Variants in PAG1 observed in about 807,000 individuals in gnomAD.
PAG1 encodes phosphoprotein associated with glycosphingolipid-enriched microdomains 1.
In PAG1, 23 loss-of-function variants were observed where a neutral mutation model predicts 31.7. That is an observed-to-expected ratio of 0.73 (90% CI 0.52 to 1.03). PAG1 has a LOEUF of 1.03. PAG1 is among the 50% of genes least tolerant of loss of function. The pLI is 0.00. For missense variants in PAG1, 473 were observed against 540.7 expected, an observed-to-expected ratio of 0.87 and a Z score of 1.24; for synonymous variants, 214 against 210.3, an observed-to-expected ratio of 1.02 and a Z score of -0.15.
At chr8:81,007,375 AG>A (rs894273679) in intron 3 of PAG1, among the ~76,000 whole-genome samples, 1 of 151,366 alleles carries the variant, frequency 6.6e-6, no homozygotes, top group African/African-American at 2.4e-5. Context: ...GCACTTTGGG[AG>A]GCTGAGGTGT....
In PAG1 at chr8:81,083,213, C is replaced by T. The variant is rs370131629; in HGVS notation, c.-233-13043G>A. Among the ~76,000 whole-genome samples the T allele has an allele frequency of 7.9e-5, 12 of 152,170 alleles. 2 individuals carry two copies. Among genetic ancestry groups the T allele is most frequent in the Admixed American group, 3.3e-4 (5 of 15,292 alleles). The stretch of plus-strand genomic sequence containing the variant: ...AGGAGTGGGAGTTTTGGCTCTCCAT[C>T]GGGCCTCCAACAATACTTCCTGGCT... On this transcript the variant is annotated intron_variant, in intron 1 of 8. Transcript: ENST00000220597.
rs1299840982 is a variant in PAG1 at position 81,079,805 on chromosome 8, G to A, written c.-233-9635C>T. On this transcript the variant is annotated intron_variant, in intron 1 of 8. Transcript: ENST00000220597. ...TTTTTTTGAGACAGGGTCTCGCTCT[G>A]TTGCTCAGGCTGGAGTACAGTGGCA... Among the ~76,000 whole-genome samples the A allele has an allele frequency of 3.3e-5, 5 of 152,070 alleles. No homozygotes were observed. In the East Asian group the frequency reaches 9.7e-4, roughly 29 times the overall value.
Position 81,083,164 on chromosome 8 carries a change from G to A in PAG1, c.-233-12994C>T, listed in dbSNP as rs1001644689. Among the ~76,000 whole-genome samples, 18 of 152,098 alleles carry A rather than the reference G, an allele frequency of 1.2e-4. 1 individual carries two copies. Among genetic ancestry groups the A allele is most frequent in the African/African-American group, 4.3e-4 (18 of 41,392 alleles). On this transcript the variant is annotated intron_variant, in intron 1 of 8. Coordinates refer to ENST00000220597, the MANE Select transcript of PAG1 (RefSeq NM_018440.4). ...TACTACACCTCCCCTGATACCTGAG[G>A]GGGATGCATTCTTACTGCTAGTTAG...
At chr8:80,994,712 A>G (rs73692529) in intron 3 of PAG1, among the ~76,000 whole-genome samples, 4,436 of 152,268 alleles carry the variant, frequency 0.029, 80 homozygotes, top group African/African-American at 0.034. Context: ...AAATGGTCAG[A>G]TTCCTTGTGT....
chr8:81,065,122 T>C (rs1221893263), intron 2 of PAG1, among the ~76,000 whole-genome samples: 1 of 150,606 alleles, frequency 6.6e-6, no homozygotes, highest in Admixed American at 6.6e-5. Flanking sequence ...AGCCTCTAAC[T>C]GGAGCTGTGT....
At chr8:81,078,060 T>C (rs1809206640) in intron 1 of PAG1, among the ~76,000 whole-genome samples, 1 of 152,186 alleles carries the variant, frequency 6.6e-6, no homozygotes, top group Non-Finnish European at 1.5e-5. Flanking sequence ...ACACAGCAAA[T>C]GTCTTGAGGT....
chr8:80,996,834 T>C (rs1041638245), intron 3 of PAG1, among the ~76,000 whole-genome samples: 3 of 152,198 alleles, frequency 2.0e-5, no homozygotes, highest in East Asian at 1.9e-4. Flanking sequence ...CCCTTTCAGA[T>C]GGCCAGCGAG....
chr8:81,068,230 A>G (rs954340621), intron 2 of PAG1, among the ~76,000 whole-genome samples: 1 of 152,204 alleles, frequency 6.6e-6, no homozygotes, highest in African/African-American at 2.4e-5. Flanking sequence ...TGGAAAGAAC[A>G]ACTATGGAAG....
At chr8:80,989,530 T>G (rs1807495073) in intron 5 of PAG1, among the ~76,000 whole-genome samples, 1 of 152,194 alleles carries the variant, frequency 6.6e-6, no homozygotes, top group Non-Finnish European at 1.5e-5. Context: ...CGTTCCTGTG[T>G]GTGCTCGCGC....
chr8:81,083,258 G>A (rs1478279736), intron 1 of PAG1, among the ~76,000 whole-genome samples: 1 of 152,130 alleles, frequency 6.6e-6, no homozygotes, highest in Non-Finnish European at 1.5e-5. Flanking sequence ...AGTGTTTCTG[G>A]TTCCCACATG....
rs1807172753 is a variant in PAG1, at chr8:80,976,100, G to A, written c.*444C>T. The A allele has an allele frequency of 6.3e-6, 1 of 157,658 alleles. No homozygotes were observed. Among genetic ancestry groups the A allele is most frequent in the Non-Finnish European group, 1.4e-5 (1 of 71,932 alleles). The allele number at this position is 157,658 out of a possible 1,614,324, so 9.8% of individuals were successfully genotyped here. A position where few individuals can be genotyped will look rare whatever the true frequency, so the allele number is the denominator to read the frequency against. On this transcript the variant is annotated 3_prime_UTR_variant, in exon 9 of 9. Transcript: ENST00000220597. ...AACCACAGGAATCTGGACATTTCAAGGGGGAAAAAGCCTTAAAGTCAGTAG... is the reference window on the plus strand; with the variant it reads ...AACCACAGGAATCTGGACATTTCAAAGGGGAAAAAGCCTTAAAGTCAGTAG...
At chr8:81,048,634 C>A (rs1014462224) in intron 2 of PAG1, among the ~76,000 whole-genome samples, 2 of 152,132 alleles carry the variant, frequency 1.3e-5, no homozygotes, top group African/African-American at 4.8e-5. Context: ...GATGTTTGAG[C>A]CTTATCTGAC....
chr8:81,044,510 C>T (rs1249060256), intron 2 of PAG1, among the ~76,000 whole-genome samples: 1 of 152,186 alleles, frequency 6.6e-6, no homozygotes, highest in East Asian at 1.9e-4. Context: ...CTGCAGGCTT[C>T]AGAGGGAACA....
chr8:81,072,389 C>T (rs942471864), intron 1 of PAG1, among the ~76,000 whole-genome samples: 8 of 152,220 alleles, frequency 5.3e-5, no homozygotes, highest in Non-Finnish European at 1.2e-4. Flanking sequence ...GCCTTGCTGA[C>T]ATTTGGGGCT....
chr8:81,103,153 GGAAAAAA>G (rs1809635669), intron 1 of PAG1, among the ~76,000 whole-genome samples: 1 of 140,600 alleles, frequency 7.1e-6, no homozygotes. Context: ...TCATTTTGTG[GGAAAAAA>G]AAAAAAAAAA....
intron 3 of PAG1, among the ~76,000 whole-genome samples, chr8:80,995,175 T>C (rs1807646553): frequency 6.6e-6 from 1 of 152,254 alleles, no homozygotes; most frequent in South Asian, 2.1e-4. Flanking sequence ...AAAAGAGACT[T>C]TTACCTACAA....
intron 1 of PAG1, among the ~76,000 whole-genome samples, chr8:81,081,492 A>C (rs1315843964): frequency 6.6e-6 from 1 of 152,154 alleles, no homozygotes; most frequent in Non-Finnish European, 1.5e-5. Flanking sequence ...CAACTAAGGT[A>C]AACACACTGA....
At position 80,976,458 on chromosome 8, in the gene PAG1, T is replaced by C; in HGVS notation, c.*86A>G. The stretch of plus-strand genomic sequence containing the variant: ...CAGGTGACTAAAGCAGCATATGAAG[T>C]ATAGGTTTGTGTCACTTCTTCTCTT... On this transcript the variant is annotated 3_prime_UTR_variant, in exon 9 of 9. Transcript: ENST00000220597. The C allele has an allele frequency of 7.6e-7, 1 of 1,322,650 alleles. No homozygotes were observed. Among genetic ancestry groups the C allele is most frequent in the South Asian group, 1.4e-5 (1 of 70,422 alleles). 81.9% of individuals were successfully genotyped at this position (1,322,650 alleles called of 1,614,324 possible). A position where few individuals can be genotyped will look rare whatever the true frequency, so the allele number is the denominator to read the frequency against.
intron 3 of PAG1, among the ~76,000 whole-genome samples, chr8:81,026,839 G>A (rs374356104): frequency 1.1e-4 from 17 of 152,174 alleles, no homozygotes; most frequent in African/African-American, 2.9e-4. Flanking sequence ...TCAACCTCAC[G>A]TCCCTCAGTA....
Sources: allele counts gnomAD v4.1 joint callset (sites outside exome capture counted in the v4.1 genomes callset), GRCh38; gene constraint gnomAD v4.1.1; transcripts MANE v1.5; gene names NCBI Gene and HGNC (gene_info 2026-07-23, HGNC 2026-07-21).